CRACD: variants seen among roughly 807,000 people sequenced by gnomAD.
CRACD encodes the protein capping protein-inhibiting regulator of actin dynamics.
A neutral mutation model predicts 106.8 loss-of-function variants in CRACD; 56 were observed. The ratio of observed to expected loss-of-function variants is 0.52; its 90% CI spans 0.42 to 0.66. The LOEUF (loss-of-function observed/expected upper bound fraction) is 0.66, where lower values mean the gene tolerates loss of function less well. Ranked by LOEUF, CRACD falls within the 30% of genes least tolerant of loss-of-function variation. The probability of loss-of-function intolerance (pLI) is 0.00; values close to 1 mark genes in which losing one functional copy is unlikely to be tolerated. For missense variants in CRACD, 1,730 were observed against 1,623.2 expected, an observed-to-expected ratio of 1.07 and a Z score of -1.13; for synonymous variants, 754 against 670.8, an observed-to-expected ratio of 1.12 and a Z score of -1.92.
intron 6 of CRACD, among the ~76,000 whole-genome samples, chr4:56,312,122 T>C (rs1225744296): frequency 1.3e-5 from 2 of 152,184 alleles, no homozygotes; most frequent in African/African-American, 2.4e-5. Context: ...ATCTTCTCAG[T>C]GCAGTCAGTA....
chr4:56,173,944 G>A (rs918673100), intron 1 of CRACD, among the ~76,000 whole-genome samples: 8 of 152,108 alleles, frequency 5.3e-5, no homozygotes, highest in Admixed American at 3.9e-4. Flanking sequence ...GTATCTCATC[G>A]TACTTTTGAT....
At chr4:56,079,028 C>T (rs190177781) in intron 1 of CRACD, among the ~76,000 whole-genome samples, 8 of 152,136 alleles carry the variant, frequency 5.3e-5, no homozygotes, top group Admixed American at 6.5e-5. Context: ...GTCCAGAGAA[C>T]GGAGCAAGAA....
intron 1 of CRACD, among the ~76,000 whole-genome samples, chr4:56,116,821 C>T (rs1734303999): frequency 6.6e-6 from 1 of 151,832 alleles, no homozygotes; most frequent in African/African-American, 2.4e-5. Flanking sequence ...GATTCTCCTG[C>T]CTCAGCCTCC....
chr4:56,175,564 G>A (rs1560472376), intron 1 of CRACD, among the ~76,000 whole-genome samples: 1 of 152,132 alleles, frequency 6.6e-6, no homozygotes, highest in East Asian at 1.9e-4. Flanking sequence ...TTTGCTTCAG[G>A]CATGCAATAC....
At chr4:56,104,266 C>T (rs902562336) in intron 1 of CRACD, among the ~76,000 whole-genome samples, 4 of 151,974 alleles carry the variant, frequency 2.6e-5, no homozygotes, top group African/African-American at 9.7e-5. Flanking sequence ...ACATGGCATG[C>T]GCCTATAGTC....
chr4:56,064,083 G>A (rs1187761099), intron 1 of CRACD, among the ~76,000 whole-genome samples: 1 of 152,148 alleles, frequency 6.6e-6, no homozygotes, highest in African/African-American at 2.4e-5. Context: ...TTGATTTGCA[G>A]TTCCCTGATG....
intron 3 of CRACD, among the ~76,000 whole-genome samples, chr4:56,281,908 C>G (rs956426840): frequency 2.0e-5 from 3 of 152,186 alleles, no homozygotes; most frequent in Non-Finnish European, 4.4e-5. Context: ...CTTTCCTCCT[C>G]TTCCTTGAAT....
chr4:56,242,315 T>C (rs1428308660), intron 2 of CRACD, among the ~76,000 whole-genome samples: 1 of 152,160 alleles, frequency 6.6e-6, no homozygotes, highest in African/African-American at 2.4e-5. Flanking sequence ...TTTAAGCAAA[T>C]GGATATTTGT....
At chr4:56,113,552 A>ATT (rs1734187846) in intron 1 of CRACD, among the ~76,000 whole-genome samples, 1 of 114,788 alleles carries the variant, frequency 8.7e-6, no homozygotes, top group African/African-American at 4.4e-5. Flanking sequence ...TTTTAAATGT[A>ATT]TTTTTAGAGG....
At chr4:56,166,431 A>G (rs1306195760) in intron 1 of CRACD, among the ~76,000 whole-genome samples, 1 of 152,160 alleles carries the variant, frequency 6.6e-6, no homozygotes, top group African/African-American at 2.4e-5. Context: ...CTGTAATTCC[A>G]GCATTTTGGG....
Position 56,315,809 on chromosome 4 carries a change from C to G in CRACD, c.2307C>G (p.Leu769=). The part of the protein sequence containing the change: ...PQPPPAGVRE[L]GKGPEKSEMH... ...CTCCTCCTGCTGGTGTTCGCGAGCT[C>G]GGGAAGGGTCCGGAGAAGTCGGAGA... Residue 769 remains leucine (L), a synonymous_variant, in exon 8 of 11, where the codon CTC becomes CTG. Transcript: ENST00000682029. The surrounding 1 kb of genome is among the most constrained non-coding windows in gnomAD (Gnocchi z 4.1). 6.2e-7 allele frequency: 1 copy of G among 1,614,184 alleles called. No homozygotes were observed. The highest frequency in any genetic ancestry group is 8.5e-7 in the Non-Finnish European group (1 of 1,180,036).
chr4:56,211,803 G>A lies in CRACD; in HGVS notation c.-189+32373G>A, dbSNP rs545284967. 1.4e-3 allele frequency among the ~76,000 whole-genome samples: 213 copies of A among 152,276 alleles called. 1 individual carries two copies. Among genetic ancestry groups the A allele is most frequent in the Non-Finnish European group, 1.9e-3 (127 of 68,020 alleles). On this transcript the variant is annotated intron_variant, in intron 2 of 10. Transcript: ENST00000682029. Reference sequence around the variant, plus strand: ...GGGAAGGATAGGTATGTGTAAAACAGGGGAAGGATGGGGATTAATTAGAGG... The same window carrying A: ...GGGAAGGATAGGTATGTGTAAAACAAGGGAAGGATGGGGATTAATTAGAGG...
At chr4:56,128,127 A>T (rs1228713982) in intron 1 of CRACD, among the ~76,000 whole-genome samples, 2 of 152,044 alleles carry the variant, frequency 1.3e-5, no homozygotes, top group Non-Finnish European at 2.9e-5. Flanking sequence ...GTGTGCTTGA[A>T]TGAATGTGTG....
intron 2 of CRACD, among the ~76,000 whole-genome samples, chr4:56,190,935 T>C (rs1737341944): frequency 6.6e-6 from 1 of 152,112 alleles, no homozygotes; most frequent in Admixed American, 6.5e-5. Context: ...ACCACCCCCA[T>C]GATGCAATCA....
chr4:56,118,167 G>A (rs905268961), intron 1 of CRACD, among the ~76,000 whole-genome samples: 3 of 152,170 alleles, frequency 2.0e-5, no homozygotes, highest in Non-Finnish European at 2.9e-5. Flanking sequence ...AATGTAATGG[G>A]TTAAGATAAT....
At chr4:56,130,638 A>C (rs1734794544) in intron 1 of CRACD, among the ~76,000 whole-genome samples, 1 of 152,198 alleles carries the variant, frequency 6.6e-6, no homozygotes, top group African/African-American at 2.4e-5. Flanking sequence ...AAGGCTTTGC[A>C]TTCCAGCTTA....
chr4:56,054,702 C>G (rs1275761597), intron 1 of CRACD, among the ~76,000 whole-genome samples: 1 of 152,116 alleles, frequency 6.6e-6, no homozygotes, highest in Non-Finnish European at 1.5e-5. Context: ...TGAGTAACAA[C>G]CCTGAAGAGA....
chr4:56,327,711 G>A lies in CRACD; in HGVS notation c.3609G>A (p.Pro1203=), dbSNP rs752747435. The A allele has an allele frequency of 7.4e-6, 12 of 1,613,986 alleles. No individual in the cohort carries two copies. Among genetic ancestry groups the A allele is most frequent in the Middle Eastern group, 1.6e-4 (1 of 6,084 alleles). The change falls in exon 11 of 11, where the codon CCG becomes CCA. Residue 1203 remains proline (P), a synonymous_variant. Coordinates refer to ENST00000682029, the MANE Select transcript of CRACD (RefSeq NM_001393381.1). ...AAGTCACCAAGAGGTTTTCCACCCCGGATGCTGCCCCCGTGTCAACAGAAC... is the reference window on the plus strand; with the variant it reads ...AAGTCACCAAGAGGTTTTCCACCCCAGATGCTGCCCCCGTGTCAACAGAAC... ...VKEVTKRFST[P]DAAPVSTEPA...
intron 7 of CRACD, 53 bp downstream of exon 7, chr4:56,313,432 C>A: frequency 1.3e-6 from 2 of 1,522,834 alleles, no homozygotes; most frequent in Non-Finnish European, 1.8e-6. Context: ...CTACTGGGCA[C>A]TAATTCTACA....
Sources: gnomAD v4.1 joint callset for allele counts (sites outside exome capture counted in the v4.1 genomes callset) on GRCh38, gnomAD v4.1.1 for gene constraint, Gnocchi (gnomAD v3.1) non-coding constraint, MANE v1.5 for transcripts, NCBI Gene and HGNC (gene_info 2026-07-23, HGNC 2026-07-21) for gene names.